TNRC18: variants seen among roughly 807,000 people sequenced by gnomAD.
TNRC18 encodes trinucleotide repeat containing 18.
A neutral mutation model predicts 226.7 loss-of-function variants in TNRC18; 69 were observed. That is an observed-to-expected ratio of 0.30 (90% CI 0.25 to 0.37). The LOEUF is 0.37. TNRC18 is among the 10% of genes least tolerant of loss of function. The pLI is 1.00. For synonymous variants in TNRC18, 2,449 were observed against 1,927.6 expected (o/e 1.27, Z -7.09); for missense variants, 4,754 against 4,256.6 (o/e 1.12, Z -3.25).
In TNRC18 at chr7:5,391,502, G is replaced by C. The variant is rs1780296868; in HGVS notation, c.344-874C>G. Among the ~76,000 whole-genome samples the C allele has an allele frequency of 2.0e-5, 3 of 151,652 alleles. No individual in the cohort carries two copies. The South Asian group carries it at 6.2e-4, about 32-fold the overall frequency. On this transcript the variant is annotated intron_variant, in intron 3 of 29. Transcript: ENST00000430969. ...AATTTTGTATTTTTAGTAGAGATGG[G>C]GTTTCACCATGCTGATCAGGCTGGT...
chr7:5,394,070 T>C lies in TNRC18; in HGVS notation c.343+370A>G, dbSNP rs897610691. Reference sequence around the variant, plus strand: ...GGATACAGTGCTGAGTAGATCACACTAGGCCCTGAACTCAGGGCTCACTCC... The same window carrying C: ...GGATACAGTGCTGAGTAGATCACACCAGGCCCTGAACTCAGGGCTCACTCC... On this transcript the variant is annotated intron_variant, in intron 3 of 29. Coordinates refer to ENST00000430969, the MANE Select transcript of TNRC18 (RefSeq NM_001080495.3). The surrounding 1 kb of genome is among the most constrained non-coding windows in gnomAD (Gnocchi z 4.5). Among the ~76,000 whole-genome samples the C allele has an allele frequency of 6.6e-6, 1 of 152,108 alleles. No homozygotes were observed. The highest frequency in any genetic ancestry group is 1.5e-5 in the Non-Finnish European group (1 of 68,040).
chr7:5,332,184 C>T (rs1460202023), intron 19 of TNRC18, among the ~76,000 whole-genome samples: 1 of 152,130 alleles, frequency 6.6e-6, no homozygotes, highest in Non-Finnish European at 1.5e-5. Context: ...TGCCTGTAAT[C>T]TCAGCATTTT....
rs368183822 is a variant in TNRC18 at position 5,370,871 on chromosome 7, G to A, written c.3723C>T (p.Ala1241=). The A allele has an allele frequency of 1.9e-5, 31 of 1,607,810 alleles. No homozygotes were observed. The highest frequency in any genetic ancestry group is 6.7e-5 in the African/African-American group (5 of 74,916). ...TCAGCTGCACCCCCAGGTCCAGGGC[G>A]GCGGTGCAGGGTTCTGTCCGGCCCG... ...DSPGRTEPCT[A]ALDLGVQLTP... The change falls in exon 11 of 30, where the codon GCC becomes GCT. Residue 1241 remains alanine, a synonymous_variant. Coordinates refer to ENST00000430969, the MANE Select transcript of TNRC18 (RefSeq NM_001080495.3).
chr7:5,391,684 AGAG>A (rs142018578), intron 3 of TNRC18, among the ~76,000 whole-genome samples: 26,260 of 150,934 alleles, frequency 0.17, 3,805 homozygotes, highest in African/African-American at 0.39. Flanking sequence ...AGCCATGGAG[AGAG>A]GAGAAGTCAC....
intron 2 of TNRC18, among the ~76,000 whole-genome samples, chr7:5,397,777 G>A (rs1780796955): frequency 6.6e-6 from 1 of 152,000 alleles, no homozygotes; most frequent in Admixed American, 6.6e-5. Flanking sequence ...CACGACCCAA[G>A]CAGGCCCCAA....
intron 2 of TNRC18, among the ~76,000 whole-genome samples, chr7:5,413,700 T>G (rs1731801540): frequency 6.6e-6 from 1 of 151,968 alleles, no homozygotes; most frequent in South Asian, 2.1e-4. Context: ...CTAACTAGTT[T>G]TTTAAACATT....
At chr7:5,359,062 C>T (rs1465625526) in intron 15 of TNRC18, among the ~76,000 whole-genome samples, 3 of 152,196 alleles carry the variant, frequency 2.0e-5, no homozygotes, top group Non-Finnish European at 4.4e-5. Context: ...AACTATTACA[C>T]CATTAAACAA....
In TNRC18 at chr7:5,315,036, T is replaced by C; in HGVS notation, c.6975A>G (p.Pro2325=). 7 of 1,609,300 alleles carry C rather than the reference T, an allele frequency of 4.3e-6. No homozygotes were observed. The highest frequency in any genetic ancestry group is 5.9e-6 in the Non-Finnish European group (7 of 1,178,358). Residue 2325 remains proline (P), a synonymous_variant, in exon 26 of 30, where the codon CCA becomes CCG. Coordinates refer to ENST00000430969, the MANE Select transcript of TNRC18 (RefSeq NM_001080495.3). Reference sequence around the variant, plus strand: ...GCCCACGCCCACGGGCCTTGGCTCCTGGCTCCTCCGACCCAGCCGTGCCAC... The same window carrying C: ...GCCCACGCCCACGGGCCTTGGCTCCCGGCTCCTCCGACCCAGCCGTGCCAC... ...KDGGTAGSEE[P]GAKARGRGRK... is the part of the protein sequence containing the mutation.
intron 18 of TNRC18, among the ~76,000 whole-genome samples, chr7:5,341,719 G>A (rs570734528): frequency 2.3e-5 from 3 of 132,932 alleles, no homozygotes; most frequent in Admixed American, 8.9e-5. Context: ...AGCCAAGATC[G>A]CACCACCACA....
intron 2 of TNRC18, among the ~76,000 whole-genome samples, chr7:5,404,307 G>T (rs1781315950): frequency 6.6e-6 from 1 of 151,992 alleles, no homozygotes; most frequent in African/African-American, 2.4e-5. Flanking sequence ...GGAGGCGGAG[G>T]TTGCAGTGAG....
At position 5,312,388 on chromosome 7, in the gene TNRC18, A is replaced by AC; in HGVS notation, c.8388+114dup. On this transcript the variant is annotated intron_variant, in intron 27 of 29. Transcript: ENST00000430969. The surrounding 1 kb of genome is among the most constrained non-coding windows in gnomAD (Gnocchi z 6.3). ...CCATAAAGTGGGACGCCAGCCCTCC[A>AC]CCCTGGGGTTCTGGGAGGTTACCAC... The AC allele has an allele frequency of 9.1e-6, 13 of 1,434,266 alleles. No individual in the cohort carries two copies. Among genetic ancestry groups the AC allele is most frequent in the Non-Finnish European group, 1.1e-5 (12 of 1,091,738 alleles). 88.8% of individuals were successfully genotyped at this position (1,434,266 alleles called of 1,614,324 possible). A position where few individuals can be genotyped will look rare whatever the true frequency, so the allele number is the denominator to read the frequency against.
chr7:5,368,135 CA>C (rs1363207185), intron 11 of TNRC18, among the ~76,000 whole-genome samples: 2 of 151,952 alleles, frequency 1.3e-5, no homozygotes, highest in African/African-American at 4.8e-5. Context: ...GGGCCACCAC[CA>C]GGCAGAAAGT....
intron 19 of TNRC18, among the ~76,000 whole-genome samples, chr7:5,330,832 C>T (rs1789454523): frequency 6.6e-6 from 1 of 152,062 alleles, no homozygotes; most frequent in Non-Finnish European, 1.5e-5. Context: ...CGCCACCATG[C>T]CTGGCTAATT....
At chr7:5,314,868 C>T (rs879717338) in intron 26 of TNRC18, 116 bp downstream of exon 26, 20 of 1,196,622 alleles carry the variant, frequency 1.7e-5, no homozygotes, top group African/African-American at 6.1e-5. Flanking sequence ...GCACTGCACC[C>T]GGCTCAGAGT....
chr7:5,337,300 T>C (rs979403856), intron 18 of TNRC18, among the ~76,000 whole-genome samples: 1 of 150,598 alleles, frequency 6.6e-6, no homozygotes, highest in Non-Finnish European at 1.5e-5. Flanking sequence ...AGAATGAAGG[T>C]GAAATAGAAA....
Position 5,370,462 on chromosome 7 carries a change from C to A in TNRC18, c.4132G>T (p.Val1378Phe), listed in dbSNP as rs763477660. The change falls in exon 11 of 30, where the codon GTC becomes TTC. Residue 1378 changes from valine (V) to phenylalanine (F), a missense_variant. Val to Phe is a conservative substitution (Grantham distance 50). Coordinates refer to ENST00000430969, the MANE Select transcript of TNRC18 (RefSeq NM_001080495.3). ...LEKLEAAESL[V>F]LEQSFLHGIT... ...CCATGCAGGAAGCTCTGCTCCAAGA[C>A]AAGGCTCTCGGCTGCTTCCAGCTTC... is the stretch of plus-strand genomic sequence containing the variant. 1 of 1,575,162 alleles carries A rather than the reference C, an allele frequency of 6.3e-7. No homozygotes were observed. The highest frequency in any genetic ancestry group is 1.2e-5 in the South Asian group (1 of 86,176).
At chr7:5,342,321 C>T (rs770849356) in intron 18 of TNRC18, among the ~76,000 whole-genome samples, 1 of 151,468 alleles carries the variant, frequency 6.6e-6, no homozygotes, top group Non-Finnish European at 1.5e-5. Context: ...TCCAGCTACT[C>T]GGGAGGCTAA....
At chr7:5,354,001 A>G (rs1792100660) in intron 16 of TNRC18, among the ~76,000 whole-genome samples, 1 of 152,018 alleles carries the variant, frequency 6.6e-6, no homozygotes, top group Admixed American at 6.6e-5. Context: ...TCAGGAGCTC[A>G]AGACCAGCCT....
chr7:5,388,103 G>A lies in TNRC18; in HGVS notation c.1721C>T (p.Ser574Phe), dbSNP rs1462379515. 1.3e-6 allele frequency: 2 copies of A among 1,554,028 alleles called. No individual in the cohort carries two copies. The highest frequency in any genetic ancestry group is 1.4e-5 in the African/African-American group (1 of 73,276). Residue 574 changes from serine (S) to phenylalanine (F), a missense_variant, in exon 5 of 30, where the codon TCT (serine) becomes TTT (phenylalanine). Physicochemically the swap from Ser to Phe is radical, Grantham distance 155. Transcript: ENST00000430969. ...TCGRPVADMHSAAHGSGEASA... is the reference protein window; with the variant it reads ...TCGRPVADMHFAAHGSGEASA... ...GGCCTCTCCAGACCCGTGGGCCGCA[G>A]AGTGCATGTCAGCGACCGGCCGGCC... is the stretch of plus-strand genomic sequence containing the variant.
Sources: gnomAD v4.1 joint callset for allele counts (sites outside exome capture counted in the v4.1 genomes callset) on GRCh38, gnomAD v4.1.1 for gene constraint, Gnocchi (gnomAD v3.1) non-coding constraint, MANE v1.5 for transcripts, NCBI Gene and HGNC (gene_info 2026-07-23, HGNC 2026-07-21) for gene names.